Variants in ABCA9 observed in about 807,000 individuals in gnomAD.
ABCA9 encodes ATP binding cassette subfamily A member 9.
ABCA9 carries 183 observed loss-of-function variants against 205.3 expected under a neutral mutation model. The ratio of observed to expected loss-of-function variants is 0.89; its 90% CI spans 0.79 to 1.01. The LOEUF is 1.01. Among genes scored for constraint, ABCA9 ranks in the 50% least tolerant of loss-of-function variants. The pLI, the probability that ABCA9 is intolerant of heterozygous loss-of-function variation, is 0.00. For missense variants in ABCA9, 1,805 were observed against 1,912.4 expected, an observed-to-expected ratio of 0.94 and a Z score of 1.05; for synonymous variants, 651 against 683.3, an observed-to-expected ratio of 0.95 and a Z score of 0.74.
At chr17:68,978,346 T>G (rs1327689096) in intron 37 of ABCA9, among the ~76,000 whole-genome samples, 1 of 152,204 alleles carries the variant, frequency 6.6e-6, no homozygotes, top group Non-Finnish European at 1.5e-5. Context: ...TCCCTTTATT[T>G]TGAGCCTATG....
intron 31 of ABCA9, among the ~76,000 whole-genome samples, chr17:68,987,286 G>T (rs1440782585): frequency 6.6e-6 from 1 of 152,122 alleles, no homozygotes; most frequent in Admixed American, 6.5e-5. Flanking sequence ...ATGCTATATT[G>T]TCTCCCCCCA....
chr17:69,046,972 G>C (rs1047885791), intron 3 of ABCA9, among the ~76,000 whole-genome samples: 5 of 147,084 alleles, frequency 3.4e-5, no homozygotes, highest in African/African-American at 1.3e-4. Flanking sequence ...TTGTTGGTTT[G>C]TGTTTTTGAG....
rs756210320 is a variant in ABCA9 at position 69,043,712 on chromosome 17, C to G, written c.577G>C (p.Ala193Pro). 3 of 1,586,072 alleles carry G rather than the reference C, an allele frequency of 1.9e-6. No homozygotes were observed. The highest frequency in any genetic ancestry group is 2.6e-6 in the Non-Finnish European group (3 of 1,169,204). The change falls in exon 6 of 39, where the codon GCA (alanine) becomes CCA (proline). Residue 193 changes from alanine (A) to proline (P), a missense_variant. Ala to Pro is a conservative substitution (Grantham distance 27). Transcript: ENST00000340001. ...TGTTCCATCACTGAATGATTTGTTG[C>G]GATCTGAAGAAAGATATCAATGAAC... ...AAINAAIIEI[A>P]TNHSVMEQLM...
rs1027140387 is a variant in ABCA9, at chr17:69,007,756, C to T, written c.3435+3G>A. On this transcript the variant is annotated splice_donor_region_variant and intron_variant, in intron 25 of 38. Coordinates refer to ENST00000340001, the MANE Select transcript of ABCA9 (RefSeq NM_080283.4). Reference sequence around the variant, plus strand: ...AAATAATAGGTAGTATATGCATACTCACAATTAAGAAGAAAAATGACCAAA... The same window carrying T: ...AAATAATAGGTAGTATATGCATACTTACAATTAAGAAGAAAAATGACCAAA... 2 of 1,537,030 alleles carry T rather than the reference C, an allele frequency of 1.3e-6. No homozygotes were observed. Among genetic ancestry groups the T allele is most frequent in the Non-Finnish European group, 1.8e-6 (2 of 1,111,354 alleles).
the ABCA9 span, among the ~76,000 whole-genome samples, chr17:69,078,448 C>T: frequency 2.9e-4 from 44 of 152,238 alleles, no homozygotes; most frequent in Non-Finnish European, 4.7e-4. Context: ...CCACCTGCCT[C>T]GGCCTCCCAA....
At chr17:68,981,915 T>A (rs957183824) in intron 37 of ABCA9, among the ~76,000 whole-genome samples, 1 of 140,314 alleles carries the variant, frequency 7.1e-6, no homozygotes. Flanking sequence ...AAAGTACAGC[T>A]CAAGAAGGGG....
upstream of ABCA9, among the ~76,000 whole-genome samples, chr17:69,061,325 A>G (rs1005027559): frequency 6.6e-6 from 1 of 151,788 alleles, no homozygotes; most frequent in Non-Finnish European, 1.5e-5. Context: ...AAAAATACAT[A>G]AATATATATG....
chr17:69,043,195 C>T, intron 6 of ABCA9: 1 of 263,428 alleles, frequency 3.8e-6, no homozygotes, highest in South Asian at 6.7e-5. Flanking sequence ...AGATCTCTCA[C>T]ATACACAGTT....
In ABCA9 at chr17:68,992,685, T is replaced by C. The variant is rs887976338; in HGVS notation, c.3624+331A>G. ...AAAATTAGCCACACATGGTGGTGCATGCCTGTAATCCCAGCTACTTGGGAG... is the reference window on the plus strand; with the variant it reads ...AAAATTAGCCACACATGGTGGTGCACGCCTGTAATCCCAGCTACTTGGGAG... On this transcript the variant is annotated intron_variant, in intron 27 of 38. Transcript: ENST00000340001. 7 of 237,598 alleles carry C rather than the reference T, an allele frequency of 2.9e-5. No individual in the cohort carries two copies. In the South Asian group the frequency reaches 4.7e-4, roughly 16 times the overall value. 14.7% of individuals were successfully genotyped at this position (237,598 alleles called of 1,614,324 possible). A position where few individuals can be genotyped will look rare whatever the true frequency, so the allele number is the denominator to read the frequency against.
At position 69,035,820 on chromosome 17, in the gene ABCA9, C is replaced by T. The variant is rs371379706; in HGVS notation, c.801-19G>A. 2.4e-4 allele frequency: 377 copies of T among 1,603,794 alleles called. 3 individuals carry two copies. The South Asian group carries it at 3.7e-3, about 16-fold the overall frequency. ...GGAAAGCCTAGCAGAGAAACAAAGC[C>T]GTCAGTTAGAATGTTGTTACTTCAT... On this transcript the variant is annotated intron_variant, in intron 6 of 38. Transcript: ENST00000340001.
At chr17:69,011,654 G>A (rs1647740577) in intron 23 of ABCA9, among the ~76,000 whole-genome samples, 1 of 152,138 alleles carries the variant, frequency 6.6e-6, no homozygotes, top group Admixed American at 6.6e-5. Context: ...GCACCATCTG[G>A]AAAGTAGAAA....
Position 69,012,047 on chromosome 17 carries a change from T to G in ABCA9, c.3076A>C (p.Thr1026Pro), listed in dbSNP as rs1252580777. ...GCTGCCATCGGTATCCAGAAGAAGG[T>G]GTTACTTCGGTACCCATACTCATAA... ...MDYEYGYRSN[T>P]FFWIPMAASF... The change falls in exon 23 of 39, where the codon ACC becomes CCC. Residue 1026 changes from threonine to proline, a missense_variant. Transcript: ENST00000340001. 1 of 1,613,114 alleles carries G rather than the reference T, an allele frequency of 6.2e-7. No individual in the cohort carries two copies. The highest frequency in any genetic ancestry group is 2.2e-5 in the East Asian group (1 of 44,862).
At chr17:68,977,192 G>A (rs2068912843) in intron 37 of ABCA9, among the ~76,000 whole-genome samples, 1 of 152,042 alleles carries the variant, frequency 6.6e-6, no homozygotes, top group Non-Finnish European at 1.5e-5. Flanking sequence ...CTCAGGAGCT[G>A]CCAGGTGGTC....
chr17:69,055,411 G>A (rs2072038449), intron 1 of ABCA9, among the ~76,000 whole-genome samples: 1 of 152,122 alleles, frequency 6.6e-6, no homozygotes, highest in Non-Finnish European at 1.5e-5. Context: ...TTCCAAAGAA[G>A]GAAAATTATC....
chr17:69,049,594 A>T, intron 2 of ABCA9, 104 bp from the exon 3 acceptor site: 1 of 909,850 alleles, frequency 1.1e-6, no homozygotes. Context: ...TTTGGCTTGC[A>T]TTCCATTTAT....
At chr17:69,069,075 C>T in the ABCA9 span, among the ~76,000 whole-genome samples, 2 of 152,090 alleles carry the variant, frequency 1.3e-5, no homozygotes, top group Admixed American at 6.5e-5. Context: ...ATTTCTTCAC[C>T]TCCAACATGT....
chr17:68,983,580 T>C (rs982925169), intron 36 of ABCA9, 129 bp downstream of exon 36: 5 of 1,312,912 alleles, frequency 3.8e-6, no homozygotes, highest in Non-Finnish European at 5.2e-6. Flanking sequence ...ATTGAATTTC[T>C]CTTAAGTAAA....
intron 30 of ABCA9, 38 bp downstream of exon 30, chr17:68,989,775 T>C (rs1055996675): frequency 8.2e-7 from 1 of 1,214,006 alleles, no homozygotes; most frequent in Non-Finnish European, 1.2e-6. Context: ...AGTCTTCAGA[T>C]TCAAGATTGC....
intron 3 of ABCA9, among the ~76,000 whole-genome samples, chr17:69,047,114 A>T (rs1022205863): frequency 6.6e-6 from 1 of 151,178 alleles, no homozygotes; most frequent in Non-Finnish European, 1.5e-5. Flanking sequence ...GGCACATGCC[A>T]CCACACCCAG....
Sources: allele counts gnomAD v4.1 joint callset (sites outside exome capture counted in the v4.1 genomes callset), GRCh38; gene constraint gnomAD v4.1.1; transcripts MANE v1.5; gene names NCBI Gene and HGNC (gene_info 2026-07-23, HGNC 2026-07-21).